The following SVOP variants were observed in gnomAD, a reference collection of about 807,000 sequenced individuals.
The protein encoded by SVOP is synaptic vesicle 2-related protein.
A neutral mutation model predicts 69.1 loss-of-function variants in SVOP; 17 were observed. The observed-to-expected ratio is 0.25, with a 90% CI of 0.17 to 0.37. The LOEUF is 0.37. Among genes scored for constraint, SVOP ranks in the 10% least tolerant of loss-of-function variants. The pLI is 1.00. For synonymous variants in SVOP, 238 were observed against 238.6 expected (o/e 1.00, Z 0.02); for missense variants, 435 against 597.5 (o/e 0.73, Z 2.84).
rs559648934 is a variant in SVOP at position 108,977,081 on chromosome 12, G to T, written c.381+317C>A. ...TTTCCAGTCCTCAAATAATCCTAGG[G>T]ATGTGGGGATTGGCACCTCCTGTTT... On this transcript the variant is annotated intron_variant, in intron 4 of 15. Coordinates refer to ENST00000610966, the MANE Select transcript of SVOP (RefSeq NM_018711.5). 1.1e-4 allele frequency among the ~76,000 whole-genome samples: 17 copies of T among 152,278 alleles called. No homozygotes were observed. In the South Asian group the frequency reaches 2.5e-3, roughly 22 times the overall value.
At chr12:108,957,905 C>G (rs2039994444) in intron 6 of SVOP, among the ~76,000 whole-genome samples, 1 of 152,254 alleles carries the variant, frequency 6.6e-6, no homozygotes, top group South Asian at 2.1e-4. Context: ...GCTCCATTGG[C>G]ATCCATTGCA....
chr12:108,909,464 G>T lies in SVOP; in HGVS notation c.*3071C>A, dbSNP rs138511487. On this transcript the variant is annotated 3_prime_UTR_variant, in exon 16 of 16. Transcript: ENST00000610966. ...CTGGGAGACAGAGTTGCAGTGAGCTGAGACTTCATCTCAAAAAAAAAAAAA... is the reference window on the plus strand; with the variant it reads ...CTGGGAGACAGAGTTGCAGTGAGCTTAGACTTCATCTCAAAAAAAAAAAAA... 6.8e-6 allele frequency: 1 copy of T among 146,406 alleles called. No individual in the cohort carries two copies. The highest frequency in any genetic ancestry group is 1.5e-5 in the Non-Finnish European group (1 of 67,792). 9.1% of individuals were successfully genotyped at this position (146,406 alleles called of 1,614,324 possible).
intron 4 of SVOP, among the ~76,000 whole-genome samples, chr12:108,976,429 G>T (rs1167698312): frequency 6.6e-6 from 1 of 152,162 alleles, no homozygotes; most frequent in Non-Finnish European, 1.5e-5. Flanking sequence ...GCCTCATCTT[G>T]CTCAACTAAT....
chr12:108,912,727 G>A lies in SVOP; in HGVS notation c.1455C>T (p.Ser485=). The change falls in exon 16 of 16, where the codon TCC becomes TCT. Residue 485 remains serine (S), a synonymous_variant. Transcript: ENST00000610966. ...TPFIAQVMLE[S]SVYLTLAVYS... is the part of the protein sequence containing the mutation. ...AAACTGCCAGAGTCAGGTACACAGA[G>A]GATTCCAGCATCACCTAGGGGAAGG... The A allele has an allele frequency of 6.2e-7, 1 of 1,613,840 alleles. No homozygotes were observed. The highest frequency in any genetic ancestry group is 8.5e-7 in the Non-Finnish European group (1 of 1,179,848).
In SVOP at chr12:108,912,692, C is replaced by T. The variant is rs761777965; in HGVS notation, c.1490G>A (p.Cys497Tyr). Residue 497 changes from cysteine (C) to tyrosine (Y), a missense_variant, in exon 16 of 16, where the codon TGC becomes TAC. Cys to Tyr is a radical substitution (Grantham distance 194, BLOSUM62 -2). Transcript: ENST00000610966. ...VYLTLAVYSG[C>Y]CLLAALASCF... is the part of the protein sequence containing the mutation. ...GGAGGCCAGGGCAGCCAGGAGGCAG[C>T]AGCCACTGTAAACTGCCAGAGTCAG... 1 of 1,613,982 alleles carries T rather than the reference C, an allele frequency of 6.2e-7. No homozygotes were observed. The highest frequency in any genetic ancestry group is 2.2e-5 in the East Asian group (1 of 44,894).
chr12:109,016,027 A>T (rs1016878679), intron 1 of SVOP, among the ~76,000 whole-genome samples: 3 of 152,212 alleles, frequency 2.0e-5, no homozygotes, highest in African/African-American at 7.2e-5. Context: ...AGGCGCTCCT[A>T]CTACCTAATA....
intron 11 of SVOP, among the ~76,000 whole-genome samples, chr12:108,931,380 TA>T (rs1315450056): frequency 1.3e-5 from 2 of 152,210 alleles, no homozygotes; most frequent in Non-Finnish European, 2.9e-5. Context: ...AGCACAGGCA[TA>T]AAAAAGCATA....
intron 15 of SVOP, among the ~76,000 whole-genome samples, chr12:108,914,210 T>A (rs2039700876): frequency 6.6e-6 from 1 of 152,160 alleles, no homozygotes. Context: ...AAGTGGGCAA[T>A]GAGGAGTGAC....
chr12:108,995,130 G>A (rs2040224351), intron 1 of SVOP, among the ~76,000 whole-genome samples: 1 of 151,758 alleles, frequency 6.6e-6, no homozygotes, highest in Non-Finnish European at 1.5e-5. Flanking sequence ...GGGCAACAGA[G>A]CTAGAACCTG....
At chr12:108,939,484 C>T (rs778859211) in intron 8 of SVOP, among the ~76,000 whole-genome samples, 2 of 152,100 alleles carry the variant, frequency 1.3e-5, no homozygotes, top group African/African-American at 2.4e-5. Flanking sequence ...AAGTCCCAAC[C>T]CCAAATGACT....
intron 5 of SVOP, among the ~76,000 whole-genome samples, chr12:108,966,988 T>C (rs1377491150): frequency 1.3e-5 from 2 of 152,162 alleles, no homozygotes; most frequent in Admixed American, 6.5e-5. Context: ...AAGAGTTTTA[T>C]GTACAAGGGC....
At chr12:109,015,862 C>T (rs10774620) in intron 1 of SVOP, among the ~76,000 whole-genome samples, 66,399 of 151,900 alleles carry the variant, frequency 0.44, 17,053 homozygotes, top group African/African-American at 0.72. Context: ...CCAAAGTTTC[C>T]GGCCAAATGG....
chr12:108,931,718 CA>C (rs1464929999), intron 11 of SVOP, among the ~76,000 whole-genome samples: 2 of 152,034 alleles, frequency 1.3e-5, no homozygotes, highest in African/African-American at 4.8e-5. Flanking sequence ...CCTGTAGTCC[CA>C]GCTACTCGGG....
intron 1 of SVOP, among the ~76,000 whole-genome samples, chr12:108,996,278 C>A (rs968273639): frequency 2.0e-5 from 3 of 152,140 alleles, no homozygotes; most frequent in Non-Finnish European, 4.4e-5. Context: ...GTGGTCCTGG[C>A]CAGATGCCGA....
chr12:108,915,966 C>T (rs556160659), intron 14 of SVOP, 94 bp from the exon 15 acceptor site: 13 of 1,254,450 alleles, frequency 1.0e-5, no homozygotes, highest in Admixed American at 8.3e-5. Flanking sequence ...AGGGGCAGGC[C>T]GGAAGTCAGG....
At chr12:108,998,671 A>G (rs2040250453) in intron 1 of SVOP, among the ~76,000 whole-genome samples, 1 of 152,186 alleles carries the variant, frequency 6.6e-6, no homozygotes, top group Non-Finnish European at 1.5e-5. Context: ...ATTCTTAAAG[A>G]AAAGAATTTT....
intron 11 of SVOP, among the ~76,000 whole-genome samples, chr12:108,930,765 G>A (rs1276494029): frequency 8.5e-5 from 13 of 152,252 alleles, no homozygotes; most frequent in Middle Eastern, 3.4e-3. Flanking sequence ...GGAAATCAGC[G>A]ATTGGCACAA....
In SVOP at chr12:108,934,234, G is replaced by A. The variant is rs767375397; in HGVS notation, c.1009C>T (p.Leu337Phe). 1 of 1,606,996 alleles carries A rather than the reference G, an allele frequency of 6.2e-7. No individual in the cohort carries two copies. Among genetic ancestry groups the A allele is most frequent in the African/African-American group, 1.3e-5 (1 of 74,834 alleles). ...NAFSYYGLVL[L>F]TTELFQAGDV... Reference sequence around the variant, plus strand: ...CCTGCCTGGAAGAGTTCTGTGGTGAGTAGAACTAACCCGTAGTAAGAGAAT... The same window carrying A: ...CCTGCCTGGAAGAGTTCTGTGGTGAATAGAACTAACCCGTAGTAAGAGAAT... The change falls in exon 11 of 16, where the codon CTC becomes TTC. Residue 337 changes from leucine (L) to phenylalanine (F), a missense_variant. Coordinates refer to ENST00000610966, the MANE Select transcript of SVOP (RefSeq NM_018711.5).
At chr12:108,935,436 C>T (rs1227773161) in intron 10 of SVOP, among the ~76,000 whole-genome samples, 1 of 152,194 alleles carries the variant, frequency 6.6e-6, no homozygotes, top group African/African-American at 2.4e-5. Context: ...ATTCAAGGAG[C>T]GTTGGCCCAA....
Sources: allele counts gnomAD v4.1 joint callset (sites outside exome capture counted in the v4.1 genomes callset), GRCh38; gene constraint gnomAD v4.1.1; transcripts MANE v1.5; gene names NCBI Gene and HGNC (gene_info 2026-07-23, HGNC 2026-07-21).